Variants in VPS35L observed in about 807,000 individuals in gnomAD.
VPS35L encodes the protein VPS35 endosomal protein-sorting factor-like.
A neutral mutation model predicts 133.0 loss-of-function variants in VPS35L; 83 were observed. The ratio of observed to expected loss-of-function variants is 0.62; its 90% CI spans 0.52 to 0.75. VPS35L has a LOEUF of 0.75. VPS35L is among the 30% of genes least tolerant of loss of function. The probability of loss-of-function intolerance (pLI) is 0.00; values close to 1 mark genes in which losing one functional copy is unlikely to be tolerated. For missense variants in VPS35L, 1,083 were observed against 1,206.8 expected, an observed-to-expected ratio of 0.90 and a Z score of 1.52; for synonymous variants, 423 against 449.9, an observed-to-expected ratio of 0.94 and a Z score of 0.76.
rs957886735 is a variant in VPS35L at position 19,618,438 on chromosome 16, G to A, written c.1224+1630G>A. Reference sequence around the variant, plus strand: ...TGGTTATGGTATGTGCATTCAGTGGGGTGTTAATGGGGCCATTTAAAATGA... The same window carrying A: ...TGGTTATGGTATGTGCATTCAGTGGAGTGTTAATGGGGCCATTTAAAATGA... On this transcript the variant is annotated intron_variant, in intron 14 of 30. Transcript: ENST00000417362. 3.3e-5 allele frequency among the ~76,000 whole-genome samples: 5 copies of A among 152,138 alleles called. No homozygotes were observed. In the South Asian group the frequency reaches 1.0e-3, roughly 32 times the overall value.
chr16:19,654,858 C>T (rs774436865), intron 26 of VPS35L, among the ~76,000 whole-genome samples: 36 of 152,288 alleles, frequency 2.4e-4, no homozygotes, highest in Non-Finnish European at 4.4e-4. Flanking sequence ...TTCTTCTTCC[C>T]ATGTTATAAA....
intron 1 of VPS35L, among the ~76,000 whole-genome samples, chr16:19,560,892 G>GTT (rs201125081): frequency 2.0e-5 from 3 of 146,658 alleles, no homozygotes; most frequent in South Asian, 4.3e-4. Context: ...TATCCTTTGT[G>GTT]TTTTTTTTTT....
intron 22 of VPS35L, among the ~76,000 whole-genome samples, chr16:19,644,386 C>G (rs1006958816): frequency 2.6e-5 from 4 of 152,102 alleles, no homozygotes; most frequent in Admixed American, 2.0e-4. Context: ...TTCAACTTTG[C>G]TGTACATTGG....
chr16:19,690,431 C>G (rs1975628561), intron 28 of VPS35L, among the ~76,000 whole-genome samples: 1 of 152,174 alleles, frequency 6.6e-6, no homozygotes, highest in African/African-American at 2.4e-5. Context: ...ACCCAGCAAA[C>G]AGTGGAGGAG....
chr16:19,668,463 A>C (rs1974767535), intron 26 of VPS35L, among the ~76,000 whole-genome samples: 1 of 147,200 alleles, frequency 6.8e-6, no homozygotes, highest in African/African-American at 2.5e-5. Flanking sequence ...TTCTCTCTCC[A>C]CTCCTTTTCT....
In VPS35L at chr16:19,679,274, A is replaced by G. The variant is rs1053890601; in HGVS notation, c.2362-2951A>G. On this transcript the variant is annotated intron_variant, in intron 27 of 30. Coordinates refer to ENST00000417362, the MANE Select transcript of VPS35L (RefSeq NM_020314.7). Reference sequence around the variant, plus strand: ...AGACTTTTGAGCATCTTGTATTCTCATTCTTGCCAGTATCATAAGAGCAAT... The same window carrying G: ...AGACTTTTGAGCATCTTGTATTCTCGTTCTTGCCAGTATCATAAGAGCAAT... 2.6e-5 allele frequency among the ~76,000 whole-genome samples: 4 copies of G among 151,996 alleles called. No homozygotes were observed. In the East Asian group the frequency reaches 7.8e-4, roughly 30 times the overall value.
chr16:19,623,730 C>CT (rs202081137), intron 14 of VPS35L, among the ~76,000 whole-genome samples: 1 of 146,344 alleles, frequency 6.8e-6, no homozygotes, highest in Non-Finnish European at 1.5e-5. Flanking sequence ...ATATAGATCC[C>CT]TTTTTTTTCT....
chr16:19,641,455 T>G (rs1261977103), intron 21 of VPS35L, among the ~76,000 whole-genome samples: 1 of 151,204 alleles, frequency 6.6e-6, no homozygotes, highest in Non-Finnish European at 1.5e-5. Context: ...AATATATTAT[T>G]TTTTAGGACA....
chr16:19,582,975 C>G (rs1272424793), intron 7 of VPS35L, among the ~76,000 whole-genome samples: 2 of 152,044 alleles, frequency 1.3e-5, no homozygotes, highest in African/African-American at 2.4e-5. Context: ...TGAGACCAGC[C>G]TGGCCAACAT....
intron 1 of VPS35L, among the ~76,000 whole-genome samples, chr16:19,559,838 G>A (rs1000904130): frequency 5.3e-5 from 8 of 151,942 alleles, no homozygotes; most frequent in African/African-American, 1.9e-4. Context: ...AGGTGTGTGT[G>A]ACCATGCCTG....
At chr16:19,598,798 G>C (rs918306812) in intron 8 of VPS35L, among the ~76,000 whole-genome samples, 2 of 147,312 alleles carry the variant, frequency 1.4e-5, no homozygotes, top group Admixed American at 6.7e-5. Flanking sequence ...AAAAAAAAAA[G>C]TGAAAAAGAA....
chr16:19,697,804 G>C (rs757431189), intron 29 of VPS35L, among the ~76,000 whole-genome samples: 1 of 152,166 alleles, frequency 6.6e-6, no homozygotes. Context: ...GATAAGATGC[G>C]ACCCTGAGTG....
intron 20 of VPS35L, 82 bp downstream of exon 20, chr16:19,637,738 C>G: frequency 1.0e-6 from 1 of 956,276 alleles, no homozygotes; most frequent in Non-Finnish European, 1.6e-6. Flanking sequence ...TTTCATGATG[C>G]CCCAGGCCAA....
In VPS35L at chr16:19,607,587, C is replaced by T. The variant is rs192402563; in HGVS notation, c.785-591C>T. Reference sequence around the variant, plus strand: ...GACTCTCTTGGAGCCAGTCGTGAGCCGGCAACATAATTCTGGCTGGTTTCT... The same window carrying T: ...GACTCTCTTGGAGCCAGTCGTGAGCTGGCAACATAATTCTGGCTGGTTTCT... On this transcript the variant is annotated intron_variant, in intron 9 of 30. Coordinates refer to ENST00000417362, the MANE Select transcript of VPS35L (RefSeq NM_020314.7). 6.6e-5 allele frequency among the ~76,000 whole-genome samples: 10 copies of T among 152,284 alleles called. No homozygotes were observed. In the East Asian group the frequency reaches 9.6e-4, roughly 15 times the overall value.
chr16:19,675,803 G>T (rs923045051), intron 27 of VPS35L, among the ~76,000 whole-genome samples: 1 of 149,930 alleles, frequency 6.7e-6, no homozygotes, highest in South Asian at 2.2e-4. Flanking sequence ...GCCCCCCTCC[G>T]CCTCCCAAAG....
intron 18 of VPS35L, among the ~76,000 whole-genome samples, chr16:19,631,938 T>C (rs1303375890): frequency 6.8e-6 from 1 of 147,654 alleles, no homozygotes; most frequent in Non-Finnish European, 1.5e-5. Flanking sequence ...AATACATTAT[T>C]CTAAGGAAAA....
chr16:19,624,769 T>G (rs1415955665), intron 14 of VPS35L, among the ~76,000 whole-genome samples: 1 of 152,122 alleles, frequency 6.6e-6, no homozygotes, highest in Non-Finnish European at 1.5e-5. Flanking sequence ...TTTTTGCCAC[T>G]TATTAGGAAG....
Position 19,616,924 on chromosome 16 carries a change from C to CT in VPS35L, c.1224+117dup, listed in dbSNP as rs1360832399. 4.1e-6 allele frequency: 6 copies of CT among 1,456,726 alleles called. No individual in the cohort carries two copies. The African/African-American group carries it at 8.4e-5, about 20-fold the overall frequency. 90.2% of individuals were successfully genotyped at this position (1,456,726 alleles called of 1,614,324 possible). ...CATAACAGCTATAGCAATGTTAGTG[C>CT]TAGCCAGCCTTTATAGAGGGCTTGC... On this transcript the variant is annotated intron_variant, in intron 14 of 30. Transcript: ENST00000417362.
chr16:19,596,092 G>C (rs1972206220), intron 8 of VPS35L, among the ~76,000 whole-genome samples: 2 of 152,134 alleles, frequency 1.3e-5, no homozygotes, highest in Non-Finnish European at 2.9e-5. Context: ...CTGCATAACA[G>C]CCCTATGAGA....
Sources: allele counts gnomAD v4.1 joint callset (sites outside exome capture counted in the v4.1 genomes callset), GRCh38; gene constraint gnomAD v4.1.1; transcripts MANE v1.5; gene names NCBI Gene and HGNC (gene_info 2026-07-23, HGNC 2026-07-21).